Variants in GRIN2A observed in about 807,000 individuals in gnomAD.
GRIN2A encodes the protein glutamate ionotropic receptor NMDA type subunit 2A.
In GRIN2A, 22 loss-of-function variants were observed where a neutral mutation model predicts 113.4. The ratio of observed to expected loss-of-function variants is 0.19; its 90% CI spans 0.14 to 0.28. GRIN2A has a LOEUF of 0.28. Among genes scored for constraint, GRIN2A ranks in the 10% least tolerant of loss-of-function variants. GRIN2A has a pLI of 1.00. For missense variants in GRIN2A, 1,502 were observed against 1,887.0 expected, an observed-to-expected ratio of 0.80 and a Z score of 3.78; for synonymous variants, 827 against 738.4, an observed-to-expected ratio of 1.12 and a Z score of -1.94.
chr16:10,144,716 G>A (rs1309643949), intron 2 of GRIN2A, among the ~76,000 whole-genome samples: 2 of 151,988 alleles, frequency 1.3e-5, no homozygotes, highest in Non-Finnish European at 2.9e-5. Flanking sequence ...TCCATCAAGA[G>A]ATGAATGGAG....
At chr16:9,954,815 A>G (rs1163946839) in intron 2 of GRIN2A, among the ~76,000 whole-genome samples, 5 of 152,218 alleles carry the variant, frequency 3.3e-5, no homozygotes, top group African/African-American at 9.6e-5. Context: ...GCATCGACAA[A>G]GCAAGTCATG....
At chr16:10,138,337 A>AGGT (rs2049246522) in intron 2 of GRIN2A, among the ~76,000 whole-genome samples, 1 of 152,202 alleles carries the variant, frequency 6.6e-6, no homozygotes, top group South Asian at 2.1e-4. Flanking sequence ...TAAGGAACAG[A>AGGT]GGTTTAATTG....
At chr16:9,986,279 C>T (rs183749848) in intron 2 of GRIN2A, among the ~76,000 whole-genome samples, 52 of 152,020 alleles carry the variant, frequency 3.4e-4, no homozygotes, top group Non-Finnish European at 1.8e-4. Context: ...GAAATTATGA[C>T]GTTAGGTGAA....
intron 2 of GRIN2A, among the ~76,000 whole-genome samples, chr16:10,068,896 A>C (rs1218581225): frequency 6.6e-6 from 1 of 152,194 alleles, no homozygotes; most frequent in Non-Finnish European, 1.5e-5. Flanking sequence ...AACCAAATAC[A>C]CAAAGACTCT....
chr16:10,154,124 G>C (rs1266458446), intron 2 of GRIN2A, among the ~76,000 whole-genome samples: 1 of 152,134 alleles, frequency 6.6e-6, no homozygotes. Flanking sequence ...TCAAATGTGA[G>C]CTGAAGCCCT....
chr16:9,979,845 CTGTGTGTGTGTG>C (rs60999132), intron 2 of GRIN2A, among the ~76,000 whole-genome samples: 5 of 133,498 alleles, frequency 3.7e-5, no homozygotes, highest in Admixed American at 2.3e-4. Flanking sequence ...GACTTATATT[CTGTGTGTGTGTG>C]TGTGTGTGTG....
intron 2 of GRIN2A, among the ~76,000 whole-genome samples, chr16:10,115,226 T>TA (rs1163306625): frequency 6.9e-6 from 1 of 144,392 alleles, no homozygotes; most frequent in East Asian, 2.3e-4. Flanking sequence ...TTGCATGATC[T>TA]AAGTTTTTTT....
intron 10 of GRIN2A, among the ~76,000 whole-genome samples, chr16:9,800,678 CTCAAGGTAGGGGTA>C (rs1003188957): frequency 6.6e-6 from 1 of 151,940 alleles, no homozygotes; most frequent in Non-Finnish European, 1.5e-5. Flanking sequence ...AAGCTTTGAT[CTCAAGGTAGGGGTA>C]TCAGAGACTT....
chr16:9,925,359 T>A (rs1420246523), intron 3 of GRIN2A, among the ~76,000 whole-genome samples: 6 of 152,220 alleles, frequency 3.9e-5, no homozygotes, highest in African/African-American at 1.4e-4. Flanking sequence ...CTCTGTTATT[T>A]TCAATCTTTG....
At chr16:10,158,472 T>C (rs531735008) in intron 2 of GRIN2A, among the ~76,000 whole-genome samples, 60 of 152,230 alleles carry the variant, frequency 3.9e-4, no homozygotes, top group Non-Finnish European at 2.2e-4. Flanking sequence ...TGTACATAAA[T>C]GTTTATAGCA....
At chr16:10,003,233 T>C (rs1211491321) in intron 2 of GRIN2A, among the ~76,000 whole-genome samples, 1 of 152,118 alleles carries the variant, frequency 6.6e-6, no homozygotes, top group Non-Finnish European at 1.5e-5. Flanking sequence ...GAAACAGAAA[T>C]CCTGGATTCT....
At chr16:9,988,760 T>A (rs920534642) in intron 2 of GRIN2A, among the ~76,000 whole-genome samples, 1 of 152,136 alleles carries the variant, frequency 6.6e-6, no homozygotes, top group East Asian at 1.9e-4. Context: ...AGCCAAGATA[T>A]GATTAATCTC....
At chr16:10,097,517 G>A (rs2048316401) in intron 2 of GRIN2A, among the ~76,000 whole-genome samples, 1 of 152,114 alleles carries the variant, frequency 6.6e-6, no homozygotes, top group African/African-American at 2.4e-5. Context: ...CATTAGAGGG[G>A]CTGGCAGAGA....
At chr16:10,081,991 C>T (rs973428386) in intron 2 of GRIN2A, among the ~76,000 whole-genome samples, 2 of 152,154 alleles carry the variant, frequency 1.3e-5, no homozygotes, top group African/African-American at 4.8e-5. Context: ...TTATAGAACC[C>T]TTATTTTTTC....
intron 2 of GRIN2A, among the ~76,000 whole-genome samples, chr16:9,996,782 A>C (rs926050071): frequency 1.6e-4 from 25 of 152,182 alleles, no homozygotes; most frequent in African/African-American, 6.0e-4. Flanking sequence ...AAAAATTCTC[A>C]ATGATGGAGA....
At chr16:10,094,666 T>C (rs2048251341) in intron 2 of GRIN2A, among the ~76,000 whole-genome samples, 1 of 151,944 alleles carries the variant, frequency 6.6e-6, no homozygotes, top group African/African-American at 2.4e-5. Context: ...GCCAGGCTGG[T>C]CTCAAACTCC....
rs191164075 is a variant in GRIN2A at position 9,873,930 on chromosome 16, G to T, written c.1122+17056C>A. 4.6e-5 allele frequency among the ~76,000 whole-genome samples: 7 copies of T among 152,218 alleles called. 1 individual carries two copies. The highest frequency in any genetic ancestry group is 3.9e-4 in the Admixed American group (6 of 15,284). Reference sequence around the variant, plus strand: ...AATCAACAGGAATTAGGATTCTTCCGATTCAAATTGTTTGTTTCAATGTTA... The same window carrying T: ...AATCAACAGGAATTAGGATTCTTCCTATTCAAATTGTTTGTTTCAATGTTA... On this transcript the variant is annotated intron_variant, in intron 4 of 12. Coordinates refer to ENST00000330684, the MANE Select transcript of GRIN2A (RefSeq NM_001134407.3).
chr16:9,768,461 A>G (rs780626317), intron 12 of GRIN2A, among the ~76,000 whole-genome samples: 47 of 152,218 alleles, frequency 3.1e-4, no homozygotes, highest in Non-Finnish European at 5.6e-4. Flanking sequence ...GATAATATTG[A>G]CTCTACATTC....
At chr16:9,870,197 A>G (rs946945973) in intron 4 of GRIN2A, among the ~76,000 whole-genome samples, 2 of 152,194 alleles carry the variant, frequency 1.3e-5, no homozygotes, top group Admixed American at 6.5e-5. Context: ...AGGCCTGGCA[A>G]TTATTTTTAA....
Sources: gnomAD v4.1 joint callset for allele counts (sites outside exome capture counted in the v4.1 genomes callset) on GRCh38, gnomAD v4.1.1 for gene constraint, MANE v1.5 for transcripts, NCBI Gene and HGNC (gene_info 2026-07-23, HGNC 2026-07-21) for gene names.